Variants in CCSER1 observed in about 807,000 individuals in gnomAD.
CCSER1 encodes serine-rich coiled-coil domain-containing protein 1.
In CCSER1, 41 loss-of-function variants were observed where a neutral mutation model predicts 82.0. That is an observed-to-expected ratio of 0.50 (90% CI 0.39 to 0.65). The LOEUF (loss-of-function observed/expected upper bound fraction) is 0.65, where lower values mean the gene tolerates loss of function less well. Among genes scored for constraint, CCSER1 ranks in the 30% least tolerant of loss-of-function variants. The pLI is 0.00. For missense variants in CCSER1, 1,119 were observed against 1,064.2 expected (o/e 1.05, Z -0.72); for synonymous variants, 414 against 383.9 (o/e 1.08, Z -0.92).
intron 6 of CCSER1, among the ~76,000 whole-genome samples, chr4:90,628,713 A>G (rs1723789446): frequency 6.6e-6 from 1 of 152,128 alleles, no homozygotes. Flanking sequence ...GATTTTGCCT[A>G]AGGAATGTAG....
At position 90,157,357 on chromosome 4, in the gene CCSER1, G is replaced by A. The variant is rs570477059; in HGVS notation, c.-42+29526G>A. ...GAATCTGACAATTATGTGTCTTGGA[G>A]TTGCTCTTCTCGAGTAGTAGCTTTG... On this transcript the variant is annotated intron_variant, in intron 1 of 10. Coordinates refer to ENST00000509176, the MANE Select transcript of CCSER1 (RefSeq NM_001145065.2). 4.6e-5 allele frequency among the ~76,000 whole-genome samples: 7 copies of A among 152,200 alleles called. No individual in the cohort carries two copies. In the East Asian group the frequency reaches 1.2e-3, roughly 25 times the overall value.
At chr4:91,458,507 CT>C (rs1756324809) in intron 10 of CCSER1, among the ~76,000 whole-genome samples, 1 of 151,976 alleles carries the variant, frequency 6.6e-6, no homozygotes, top group African/African-American at 2.4e-5. Flanking sequence ...CTATGTGGGT[CT>C]TTTGTGGTTC....
chr4:90,763,960 G>GTTTATT (rs1750798356), intron 7 of CCSER1, among the ~76,000 whole-genome samples: 1 of 152,140 alleles, frequency 6.6e-6, no homozygotes, highest in African/African-American at 2.4e-5. Context: ...ATTTTATAAA[G>GTTTATT]AGCTTCTAAT....
intron 1 of CCSER1, among the ~76,000 whole-genome samples, chr4:90,203,654 A>G (rs1469239154): frequency 2.0e-5 from 3 of 152,198 alleles, no homozygotes; most frequent in Admixed American, 2.0e-4. Context: ...TGCAATAAAC[A>G]TACGTGTGCA....
At chr4:91,291,551 C>T (rs565208819) in intron 10 of CCSER1, among the ~76,000 whole-genome samples, 15 of 152,124 alleles carry the variant, frequency 9.9e-5, no homozygotes, top group Non-Finnish European at 1.6e-4. Flanking sequence ...GGGGCGCACA[C>T]ATATCACATG....
chr4:90,134,163 A>G (rs1465497577), intron 1 of CCSER1, among the ~76,000 whole-genome samples: 18 of 152,334 alleles, frequency 1.2e-4, no homozygotes, highest in Middle Eastern at 6.8e-3. Flanking sequence ...GAGATGAGGA[A>G]ACCGAGTCTC....
At chr4:91,231,977 G>T (rs764804162) in intron 10 of CCSER1, among the ~76,000 whole-genome samples, 41 of 151,732 alleles carry the variant, frequency 2.7e-4, no homozygotes, top group Non-Finnish European at 5.3e-4. Flanking sequence ...TTTACAAATA[G>T]ATCTAAATAT....
intron 10 of CCSER1, among the ~76,000 whole-genome samples, chr4:91,350,340 T>C (rs1748388782): frequency 6.6e-6 from 1 of 152,170 alleles, no homozygotes; most frequent in African/African-American, 2.4e-5. Context: ...TACTTATAAA[T>C]TGGTTATTAT....
chr4:90,821,155 T>C (rs1315601891), intron 8 of CCSER1, among the ~76,000 whole-genome samples: 2 of 152,202 alleles, frequency 1.3e-5, no homozygotes, highest in Non-Finnish European at 2.9e-5. Context: ...TACAGTATCA[T>C]TTCAATCAAT....
chr4:91,148,377 C>T (rs1729759119), intron 10 of CCSER1, among the ~76,000 whole-genome samples: 1 of 152,030 alleles, frequency 6.6e-6, no homozygotes, highest in Non-Finnish European at 1.5e-5. Flanking sequence ...GACAAACGGA[C>T]TTGATTCTTG....
intron 10 of CCSER1, among the ~76,000 whole-genome samples, chr4:91,231,778 T>C (rs2149116777): frequency 6.6e-6 from 1 of 151,798 alleles, no homozygotes; most frequent in East Asian, 1.9e-4. Flanking sequence ...TATCCAGGTA[T>C]CAAAGTCATA....
chr4:91,040,353 TA>T (rs1741855139), intron 9 of CCSER1, among the ~76,000 whole-genome samples: 1 of 152,140 alleles, frequency 6.6e-6, no homozygotes, highest in Admixed American at 6.6e-5. Flanking sequence ...TTTTGAGACA[TA>T]GATAATAAAG....
chr4:90,370,686 A>G (rs1747242540), intron 3 of CCSER1, among the ~76,000 whole-genome samples: 1 of 152,030 alleles, frequency 6.6e-6, no homozygotes, highest in Non-Finnish European at 1.5e-5. Flanking sequence ...ATTTTAAATG[A>G]GCCCTTTCAA....
intron 1 of CCSER1, among the ~76,000 whole-genome samples, chr4:90,147,017 G>T (rs770816515): frequency 6.6e-6 from 1 of 151,848 alleles, no homozygotes; most frequent in African/African-American, 2.4e-5. Flanking sequence ...CTTGTATTTT[G>T]ATTATTTTAT....
chr4:91,337,297 A>T (rs534580055), intron 10 of CCSER1, among the ~76,000 whole-genome samples: 1 of 152,248 alleles, frequency 6.6e-6, no homozygotes, highest in African/African-American at 2.4e-5. Context: ...CTAATATACC[A>T]TATACATTAG....
chr4:90,226,823 G>C (rs1362056484), intron 1 of CCSER1, among the ~76,000 whole-genome samples: 6 of 152,196 alleles, frequency 3.9e-5, no homozygotes, highest in Non-Finnish European at 8.8e-5. Flanking sequence ...TCCTCTGCAG[G>C]ATTCAAGCTA....
At chr4:91,164,508 AATATCCTGGAG>A (rs1731812754) in intron 10 of CCSER1, among the ~76,000 whole-genome samples, 1 of 152,246 alleles carries the variant, frequency 6.6e-6, no homozygotes, top group African/African-American at 2.4e-5. Context: ...TCTCCTGGAT[AATATCCTGGAG>A]AGTGTTTTTC....
intron 8 of CCSER1, among the ~76,000 whole-genome samples, chr4:90,919,120 A>G (rs1413731447): frequency 6.9e-6 from 1 of 144,422 alleles, no homozygotes; most frequent in African/African-American, 2.5e-5. Flanking sequence ...AAAAGGACTT[A>G]GTATGAATCT....
intron 1 of CCSER1, among the ~76,000 whole-genome samples, chr4:90,159,033 T>G (rs1728913020): frequency 6.6e-6 from 1 of 152,046 alleles, no homozygotes; most frequent in African/African-American, 2.4e-5. Flanking sequence ...CCGACCTCCC[T>G]GTCAGTCCTA....
Sources: allele counts gnomAD v4.1 joint callset (sites outside exome capture counted in the v4.1 genomes callset), GRCh38; gene constraint gnomAD v4.1.1; transcripts MANE v1.5; gene names NCBI Gene and HGNC (gene_info 2026-07-23, HGNC 2026-07-21).